The following CTNNA2 variants were observed in gnomAD, a reference collection of about 807,000 sequenced individuals.
CTNNA2 encodes catenin alpha 2.
Under a neutral mutation model 101.0 loss-of-function variants are expected in CTNNA2, and 42 were observed. That is an observed-to-expected ratio of 0.42 (90% confidence interval 0.32 to 0.54). The LOEUF (loss-of-function observed/expected upper bound fraction) is 0.54. Ranked by LOEUF, CTNNA2 falls within the 20% of genes least tolerant of loss-of-function variation. The probability of loss-of-function intolerance (pLI) is 0.14; values close to 1 mark genes in which losing one functional copy is unlikely to be tolerated. For missense variants in CTNNA2, 871 were observed against 1,223.1 expected (o/e 0.71, Z 4.29); for synonymous variants, 450 against 456.4 (o/e 0.99, Z 0.18).
intron 4 of CTNNA2, among the ~76,000 whole-genome samples, chr2:79,496,541 A>G (rs966753256): frequency 6.6e-6 from 1 of 152,024 alleles, no homozygotes; most frequent in Non-Finnish European, 1.5e-5. Flanking sequence ...TTTTTGAATG[A>G]GCCAATATTA....
chr2:79,519,316 T>G (rs2103863583), intron 1 of CTNNA2, among the ~76,000 whole-genome samples: 1 of 152,188 alleles, frequency 6.6e-6, no homozygotes, highest in African/African-American at 2.4e-5. Context: ...TTCATGTATT[T>G]TTTTTATTAT....
intron 2 of CTNNA2, among the ~76,000 whole-genome samples, chr2:79,308,767 A>G (rs562858991): frequency 8.8e-4 from 125 of 141,618 alleles, no homozygotes; most frequent in African/African-American, 2.7e-3. Flanking sequence ...AATCCACTAA[A>G]TGTTTCATTT....
chr2:80,309,608 G>C (rs1001476263), intron 7 of CTNNA2, among the ~76,000 whole-genome samples: 1 of 152,176 alleles, frequency 6.6e-6, no homozygotes, highest in Non-Finnish European at 1.5e-5. Flanking sequence ...GGCTATCTCA[G>C]AGGATACTTG....
intron 3 of CTNNA2, among the ~76,000 whole-genome samples, chr2:79,819,353 A>C (rs2105372878): frequency 6.6e-6 from 1 of 152,254 alleles, no homozygotes; most frequent in South Asian, 2.1e-4. Context: ...CTGTTATATG[A>C]CATACACACT....
chr2:79,966,527 T>A (rs929085151), intron 7 of CTNNA2, among the ~76,000 whole-genome samples: 1 of 152,186 alleles, frequency 6.6e-6, no homozygotes, highest in Admixed American at 6.5e-5. Flanking sequence ...TTAGCCTCTG[T>A]GCCTGGCCTG....
intron 3 of CTNNA2, among the ~76,000 whole-genome samples, chr2:79,756,685 CTT>C (rs1380994026): frequency 6.6e-6 from 1 of 152,134 alleles, no homozygotes; most frequent in Admixed American, 6.5e-5. Context: ...TGATGAAAGA[CTT>C]ATATCCATAA....
At chr2:80,176,298 A>G (rs189484041) in intron 7 of CTNNA2, among the ~76,000 whole-genome samples, 10 of 152,364 alleles carry the variant, frequency 6.6e-5, no homozygotes, top group African/African-American at 2.4e-4. Context: ...GATAAATTTA[A>G]CAACACTGAA....
rs567131551 is a variant in CTNNA2, at chr2:80,591,457, G to GTTTTTTTTTTTTTTT, written c.2189+1979_2189+1993dup. ...ATTGCTGCCTCCATCTGCACAGCCTGTTTTTTTTTTTTTTTTTTTTTGCAA... is the reference window on the plus strand; with the variant it reads ...ATTGCTGCCTCCATCTGCACAGCCTGTTTTTTTTTTTTTTTTTTTTTTTTTTTTTTTTTTTTGCAA... On this transcript the variant is annotated intron_variant, in intron 15 of 18. Coordinates refer to ENST00000402739, the MANE Select transcript of CTNNA2 (RefSeq NM_001282597.3). Among the ~76,000 whole-genome samples, 504 of 70,302 alleles carry GTTTTTTTTTTTTTTT rather than the reference G, an allele frequency of 7.2e-3. 103 individuals are homozygous for GTTTTTTTTTTTTTTT. The highest frequency in any genetic ancestry group is 0.024 in the East Asian group (47 of 1,932). The allele number at this position is 70,302 out of a possible 152,430, so 46.1% of individuals were successfully genotyped here.
intron 9 of CTNNA2, among the ~76,000 whole-genome samples, chr2:80,531,757 G>T (rs141899829): frequency 1.3e-5 from 2 of 152,154 alleles, no homozygotes; most frequent in African/African-American, 4.8e-5. Context: ...GCTTCTCCTC[G>T]ATCCACTTAA....
chr2:80,580,474 A>C (rs1377518032), intron 13 of CTNNA2, among the ~76,000 whole-genome samples: 3 of 152,176 alleles, frequency 2.0e-5, no homozygotes, highest in African/African-American at 7.2e-5. Flanking sequence ...GGAGTCAGAC[A>C]CACCTGGGTG....
chr2:79,593,880 GTTTTTTT>G lies in CTNNA2; in HGVS notation c.-5-57653_-5-57647del, dbSNP rs945227300. Among the ~76,000 whole-genome samples the G allele has an allele frequency of 1.2e-4, 10 of 85,438 alleles. 1 individual carries two copies. The highest frequency in any genetic ancestry group is 4.2e-4 in the South Asian group (1 of 2,388). 56.1% of individuals were successfully genotyped at this position (85,438 alleles called of 152,430 possible). Reference sequence around the variant, plus strand: ...GAGCCCCAGTGCTGCCTTTCTTTTAGTTTTTTTTTTTTTTTTTTTTTTTTTGAGATGG... The same window carrying G: ...GAGCCCCAGTGCTGCCTTTCTTTTAGTTTTTTTTTTTTTTTTTTGAGATGG... On this transcript the variant is annotated intron_variant, in intron 1 of 18. Coordinates refer to ENST00000402739, the MANE Select transcript of CTNNA2 (RefSeq NM_001282597.3).
rs1321486982 is a variant in CTNNA2 at position 79,991,184 on chromosome 2, G to T, written c.1056+81387G>T. On this transcript the variant is annotated intron_variant, in intron 7 of 18. Coordinates refer to ENST00000402739, the MANE Select transcript of CTNNA2 (RefSeq NM_001282597.3). ...CTCTCTTTTCTTCTTTATTAGTCTT[G>T]CTAGCGGTCTATAAATTTTGCTGAT... Among the ~76,000 whole-genome samples the T allele has an allele frequency of 2.0e-5, 3 of 151,660 alleles. No individual in the cohort carries two copies. The East Asian group carries it at 5.8e-4, about 29-fold the overall frequency.
chr2:79,779,567 A>G (rs1674266756), intron 3 of CTNNA2, among the ~76,000 whole-genome samples: 1 of 152,016 alleles, frequency 6.6e-6, no homozygotes, highest in Non-Finnish European at 1.5e-5. Context: ...CCCTATTGTT[A>G]TTTTCAGATT....
chr2:80,395,850 A>G (rs951721431), intron 8 of CTNNA2, among the ~76,000 whole-genome samples: 1 of 152,230 alleles, frequency 6.6e-6, no homozygotes, highest in Non-Finnish European at 1.5e-5. Flanking sequence ...AGAGAGATCA[A>G]ATCTCATAGG....
intron 3 of CTNNA2, among the ~76,000 whole-genome samples, chr2:79,320,940 T>C (rs1676607049): frequency 6.6e-6 from 1 of 152,222 alleles, no homozygotes; most frequent in Non-Finnish European, 1.5e-5. Context: ...CACCAAAGAC[T>C]AACTGTGTGT....
chr2:80,260,085 T>C (rs1672486863), intron 7 of CTNNA2, among the ~76,000 whole-genome samples: 2 of 152,204 alleles, frequency 1.3e-5, no homozygotes, highest in African/African-American at 2.4e-5. Context: ...TATTACTCCA[T>C]TATTTTCCGA....
At chr2:79,480,105 G>A (rs1671093369) in intron 4 of CTNNA2, among the ~76,000 whole-genome samples, 1 of 152,084 alleles carries the variant, frequency 6.6e-6, no homozygotes, top group Non-Finnish European at 1.5e-5. Flanking sequence ...GGTCACCTGG[G>A]AAAGAGGAGG....
intron 2 of CTNNA2, among the ~76,000 whole-genome samples, chr2:79,679,125 A>T (rs1360349640): frequency 2.0e-5 from 3 of 152,258 alleles, no homozygotes; most frequent in Admixed American, 1.3e-4. Flanking sequence ...TACTAACATT[A>T]TAAAACTGTG....
At chr2:80,591,344 T>A (rs975325753) in intron 15 of CTNNA2, among the ~76,000 whole-genome samples, 2 of 151,962 alleles carry the variant, frequency 1.3e-5, no homozygotes, top group African/African-American at 4.8e-5. Flanking sequence ...TTCTTTTTGT[T>A]AGGGCAAAGG....
Sources: gnomAD v4.1 joint callset for allele counts (sites outside exome capture counted in the v4.1 genomes callset) on GRCh38, gnomAD v4.1.1 for gene constraint, MANE v1.5 for transcripts, NCBI Gene and HGNC (gene_info 2026-07-23, HGNC 2026-07-21) for gene names.